Variants in NRG2 observed in about 807,000 individuals in gnomAD.
NRG2 encodes pro-neuregulin-2, membrane-bound isoform.
NRG2 carries 27 observed loss-of-function variants against 73.9 expected under a neutral mutation model. That is an observed-to-expected ratio of 0.37 (90% CI 0.27 to 0.50). The LOEUF (loss-of-function observed/expected upper bound fraction) is 0.50. Among genes scored for constraint, NRG2 ranks in the 20% least tolerant of loss-of-function variants. The pLI, the probability that NRG2 is intolerant of heterozygous loss-of-function variation, is 0.96. For synonymous variants in NRG2, 532 were observed against 541.0 expected (o/e 0.98, Z 0.23); for missense variants, 1,126 against 1,210.1 (o/e 0.93, Z 1.03).
At chr5:139,912,732 C>A (rs1215789203) in intron 1 of NRG2, among the ~76,000 whole-genome samples, 2 of 152,170 alleles carry the variant, frequency 1.3e-5, no homozygotes, top group Admixed American at 1.3e-4. Context: ...AAATTCCAAG[C>A]AGATATGATA....
At chr5:139,947,373 G>C (rs147240496) in intron 1 of NRG2, among the ~76,000 whole-genome samples, 1 of 152,198 alleles carries the variant, frequency 6.6e-6, no homozygotes, top group African/African-American at 2.4e-5. Context: ...TTAGAATAAA[G>C]TTTTCAAAGT....
At chr5:139,854,536 T>C (rs991111163) in intron 6 of NRG2, among the ~76,000 whole-genome samples, 2 of 152,216 alleles carry the variant, frequency 1.3e-5, no homozygotes, top group African/African-American at 4.8e-5. Flanking sequence ...ATTCTTGGAC[T>C]TAGTTTTCCC....
chr5:139,975,015 G>A (rs1756278260), intron 1 of NRG2, among the ~76,000 whole-genome samples: 1 of 152,236 alleles, frequency 6.6e-6, no homozygotes, highest in South Asian at 2.1e-4. Flanking sequence ...CTCTGGAGAA[G>A]AGGTTTCTTG....
At chr5:139,983,636 C>T (rs1038138555) in intron 1 of NRG2, among the ~76,000 whole-genome samples, 4 of 152,190 alleles carry the variant, frequency 2.6e-5, no homozygotes, top group East Asian at 1.9e-4. Flanking sequence ...TTCACAGACA[C>T]GCAATTTCAT....
At chr5:140,006,170 G>A (rs1758882094) in intron 1 of NRG2, among the ~76,000 whole-genome samples, 1 of 152,196 alleles carries the variant, frequency 6.6e-6, no homozygotes, top group Non-Finnish European at 1.5e-5. Flanking sequence ...GTCACTCACT[G>A]TGATCAGTAC....
intron 1 of NRG2, among the ~76,000 whole-genome samples, chr5:139,892,178 AGAG>A (rs1424341527): frequency 6.6e-6 from 1 of 152,208 alleles, no homozygotes; most frequent in Non-Finnish European, 1.5e-5. Flanking sequence ...GTGGCAGGAA[AGAG>A]AAGAATGTAC....
intron 1 of NRG2, among the ~76,000 whole-genome samples, chr5:139,999,656 G>C (rs1758284896): frequency 6.6e-6 from 1 of 152,214 alleles, no homozygotes; most frequent in Non-Finnish European, 1.5e-5. Context: ...AGTGTCCCAT[G>C]CTGAGCTCCT....
At chr5:139,902,225 G>T (rs1290886713) in intron 1 of NRG2, among the ~76,000 whole-genome samples, 1 of 152,254 alleles carries the variant, frequency 6.6e-6, no homozygotes, top group African/African-American at 2.4e-5. Context: ...GGGAGACCCA[G>T]TTCCCGGTTA....
intron 2 of NRG2, 62 bp from the exon 3 acceptor site, chr5:139,881,036 C>T: frequency 7.1e-7 from 1 of 1,402,122 alleles, no homozygotes; most frequent in Non-Finnish European, 1.0e-6. Flanking sequence ...GGCTCCCCAG[C>T]AGTCACCCAG....
rs757220080 is a variant in NRG2 at position 139,865,082 on chromosome 5, A to C, written c.1189+467T>G. 1 of 1,581,924 alleles carries C rather than the reference A, an allele frequency of 6.3e-7. No individual in the cohort carries two copies. Among genetic ancestry groups the C allele is most frequent in the Admixed American group, 1.7e-5 (1 of 59,924 alleles). ...CCCCAGGGGGAGACTGTCAGTCACC[A>C]GGGAAGAGAAGAAATAGAAGAAAGA... On this transcript the variant is annotated intron_variant, in intron 5 of 9. Transcript: ENST00000361474. The surrounding 1 kb of genome is among the most constrained non-coding windows in gnomAD (Gnocchi z 5.2).
intron 1 of NRG2, among the ~76,000 whole-genome samples, chr5:139,964,707 C>G (rs1755355356): frequency 6.6e-6 from 1 of 152,160 alleles, no homozygotes; most frequent in African/African-American, 2.4e-5. Flanking sequence ...CTGACAGGGC[C>G]TCTACTTCTT....
chr5:139,871,936 T>A, intron 3 of NRG2, 95 bp from the exon 4 acceptor site: 1 of 1,515,884 alleles, frequency 6.6e-7, no homozygotes, highest in South Asian at 1.3e-5. Flanking sequence ...AACTGGAAGA[T>A]GACCAGAGGC....
intron 1 of NRG2, among the ~76,000 whole-genome samples, chr5:139,905,902 A>G (rs1230321073): frequency 6.6e-6 from 1 of 151,798 alleles, no homozygotes; most frequent in Admixed American, 6.6e-5. Context: ...CCTTTGGGGT[A>G]CTGCCTTGGT....
At chr5:139,962,026 T>C (rs915663497) in intron 1 of NRG2, among the ~76,000 whole-genome samples, 1 of 152,060 alleles carries the variant, frequency 6.6e-6, no homozygotes, top group Non-Finnish European at 1.5e-5. Context: ...GTCATTGGGA[T>C]TTAGATAGCC....
At chr5:139,866,962 A>T (rs570691353) in intron 4 of NRG2, among the ~76,000 whole-genome samples, 5 of 152,278 alleles carry the variant, frequency 3.3e-5, no homozygotes, top group Non-Finnish European at 5.9e-5. Flanking sequence ...CTACTCAGAG[A>T]TGGGTCTATA....
At position 139,887,250 on chromosome 5, in the gene NRG2, C is replaced by T. The variant is rs1763925029; in HGVS notation, c.872+90G>A. On this transcript the variant is annotated intron_variant, in intron 2 of 9. Coordinates refer to ENST00000361474, the MANE Select transcript of NRG2 (RefSeq NM_004883.3). This position sits in a 1 kb window ranked among gnomAD's most constrained non-coding sequence, Gnocchi z 4.5. ...GGTTCCATGGGTGAGTCTGGGGGCA[C>T]AGCCCTGGCCTCTGCCCAGTTCAGG... is the stretch of plus-strand genomic sequence containing the variant. The T allele has an allele frequency of 1.4e-6, 2 of 1,458,256 alleles. No homozygotes were observed. Among genetic ancestry groups the T allele is most frequent in the African/African-American group, 1.4e-5 (1 of 72,090 alleles). The allele number at this position is 1,458,256 out of a possible 1,614,324, so 90.3% of individuals were successfully genotyped here. A position where few individuals can be genotyped will look rare whatever the true frequency, so the allele number is the denominator to read the frequency against.
chr5:139,850,049 G>A (rs548033448), intron 9 of NRG2, among the ~76,000 whole-genome samples: 7 of 152,292 alleles, frequency 4.6e-5, no homozygotes, highest in Admixed American at 2.6e-4. Flanking sequence ...TGCCTCTGTT[G>A]GAACAGCTCA....
At chr5:140,023,005 C>T (rs1366869856) in intron 1 of NRG2, among the ~76,000 whole-genome samples, 1 of 152,208 alleles carries the variant, frequency 6.6e-6, no homozygotes, top group South Asian at 2.1e-4. Context: ...AGTTTACCTG[C>T]CTCTTCCCCC....
At chr5:139,930,150 G>A (rs891662601) in intron 1 of NRG2, among the ~76,000 whole-genome samples, 1 of 152,272 alleles carries the variant, frequency 6.6e-6, no homozygotes, top group East Asian at 1.9e-4. Context: ...CTCCAAGTGA[G>A]GACCAGGTTT....
Sources: allele counts gnomAD v4.1 joint callset (sites outside exome capture counted in the v4.1 genomes callset), GRCh38; gene constraint gnomAD v4.1.1; non-coding constraint Gnocchi (gnomAD v3.1); transcripts MANE v1.5; gene names NCBI Gene and HGNC (gene_info 2026-07-23, HGNC 2026-07-21).